The following AMBRA1 variants were observed in gnomAD, a reference collection of about 807,000 sequenced individuals.
AMBRA1 encodes the protein autophagy and beclin 1 regulator 1.
A neutral mutation model predicts 125.4 loss-of-function variants in AMBRA1; 47 were observed. The observed-to-expected ratio is 0.37, with a 90% CI of 0.30 to 0.48. AMBRA1 has a LOEUF of 0.48. AMBRA1 is among the 20% of genes least tolerant of loss of function. AMBRA1 has a pLI of 0.99. For synonymous variants in AMBRA1, 626 were observed against 655.5 expected (o/e 0.95, Z 0.69); for missense variants, 1,331 against 1,693.4 (o/e 0.79, Z 3.76).
chr11:46,550,321 T>G (rs755355316), intron 1 of AMBRA1, among the ~76,000 whole-genome samples: 1 of 152,196 alleles, frequency 6.6e-6, no homozygotes, highest in Non-Finnish European at 1.5e-5. Context: ...CCTATATACC[T>G]CAAGGTGGAG....
At chr11:46,447,561 A>G (rs889128033) in intron 11 of AMBRA1, among the ~76,000 whole-genome samples, 1 of 151,978 alleles carries the variant, frequency 6.6e-6, no homozygotes, top group African/African-American at 2.4e-5. Flanking sequence ...CAAAACACAA[A>G]AATTAGCCAG....
At chr11:46,535,047 G>A (rs1952402228) in intron 7 of AMBRA1, among the ~76,000 whole-genome samples, 2 of 152,062 alleles carry the variant, frequency 1.3e-5, no homozygotes, top group Non-Finnish European at 2.9e-5. Context: ...AAATAAGTTT[G>A]TTAATTCCAC....
Position 46,408,691 on chromosome 11 carries a change from T to C in AMBRA1, c.3225A>G (p.Thr1075=). The C allele has an allele frequency of 6.4e-7, 1 of 1,558,492 alleles. No homozygotes were observed. The highest frequency in any genetic ancestry group is 8.7e-7 in the Non-Finnish European group (1 of 1,148,044). ...GCCCCATGTCTCTGTCTGTCCTCCA[T>C]GTGGCTCTGCTGGTTCTAGGGAGAG... The part of the protein sequence containing the change: ...SSERPGTSRA[T]WRTDRDMGLM... Residue 1075 remains threonine (T), a synonymous_variant, in exon 17 of 18, where the codon ACA becomes ACG. Transcript: ENST00000683756.
At chr11:46,503,236 G>A (rs780954351) in intron 9 of AMBRA1, among the ~76,000 whole-genome samples, 6 of 151,826 alleles carry the variant, frequency 4.0e-5, no homozygotes, top group Non-Finnish European at 8.8e-5. Flanking sequence ...CCTTTTTCTT[G>A]AACATACAGA....
chr11:46,579,647 G>A (rs191994903), intron 1 of AMBRA1, among the ~76,000 whole-genome samples: 1 of 152,228 alleles, frequency 6.6e-6, no homozygotes, highest in East Asian at 1.9e-4. Context: ...AAATGGAAAG[G>A]TACAGCTCCT....
At position 46,593,921 on chromosome 11, in the gene AMBRA1, G is replaced by A. The variant is rs1591220569; in HGVS notation, c.-214C>T. 2.5e-6 allele frequency: 1 copy of A among 398,662 alleles called. No homozygotes were observed. The highest frequency in any genetic ancestry group is 3.6e-5 in the East Asian group (1 of 28,068). 24.7% of individuals were successfully genotyped at this position (398,662 alleles called of 1,614,324 possible). A position where few individuals can be genotyped will look rare whatever the true frequency, so the allele number is the denominator to read the frequency against. ...GAGACAGGAATAAAGGAAGGGGTCC[G>A]TTCTACCGACCGGCAGGAGAAGGCG... is the stretch of plus-strand genomic sequence containing the variant. On this transcript the variant is annotated 5_prime_UTR_variant, in exon 1 of 18. In the 5' UTR this introduces an upstream ATG that the reference lacks. Transcript: ENST00000683756.
At chr11:46,424,018 C>T (rs1946993408) in intron 14 of AMBRA1, among the ~76,000 whole-genome samples, 1 of 151,958 alleles carries the variant, frequency 6.6e-6, no homozygotes, top group Non-Finnish European at 1.5e-5. Context: ...CCGCCTCAGC[C>T]TCCCAAAGTG....
At chr11:46,517,091 A>T (rs1002391141) in intron 7 of AMBRA1, among the ~76,000 whole-genome samples, 3 of 150,904 alleles carry the variant, frequency 2.0e-5, no homozygotes, top group African/African-American at 7.3e-5. Context: ...AGGGGGAAAT[A>T]TTACAACTTC....
chr11:46,509,965 A>C (rs1951196998), intron 8 of AMBRA1, among the ~76,000 whole-genome samples: 1 of 152,178 alleles, frequency 6.6e-6, no homozygotes, highest in Non-Finnish European at 1.5e-5. Flanking sequence ...GGTCCTCAGT[A>C]AGTCTACCAA....
At chr11:46,545,828 T>C in intron 4 of AMBRA1, 52 bp from the exon 5 acceptor site, 8 of 1,576,582 alleles carry the variant, frequency 5.1e-6, no homozygotes, top group Non-Finnish European at 6.1e-6. Flanking sequence ...ACCAGCACAC[T>C]GGGAAGTCAA....
At chr11:46,571,687 CTTTT>C (rs543760300) in intron 1 of AMBRA1, among the ~76,000 whole-genome samples, 3 of 123,898 alleles carry the variant, frequency 2.4e-5, no homozygotes, top group Non-Finnish European at 1.7e-5. Context: ...ATCAATCAAT[CTTTT>C]TTTTTTTTTT....
chr11:46,551,152 A>G (rs1431765684), intron 1 of AMBRA1, among the ~76,000 whole-genome samples: 15 of 152,040 alleles, frequency 9.9e-5, no homozygotes, highest in Admixed American at 9.8e-4. Context: ...AGAGAAAAAA[A>G]GCAAGGTACA....
intron 7 of AMBRA1, among the ~76,000 whole-genome samples, chr11:46,518,745 T>C (rs978050724): frequency 3.3e-5 from 5 of 152,192 alleles, no homozygotes; most frequent in African/African-American, 9.6e-5. Context: ...AATTAAAGTA[T>C]TGTGCACTGG....
At chr11:46,589,490 C>G (rs1039021542) in intron 1 of AMBRA1, among the ~76,000 whole-genome samples, 3 of 152,092 alleles carry the variant, frequency 2.0e-5, no homozygotes, top group African/African-American at 7.2e-5. Context: ...CAAAAAAATG[C>G]GGATTCCACT....
chr11:46,587,563 G>C (rs531433325), intron 1 of AMBRA1, among the ~76,000 whole-genome samples: 1 of 151,992 alleles, frequency 6.6e-6, no homozygotes, highest in Non-Finnish European at 1.5e-5. Flanking sequence ...TTAAATTTAC[G>C]CAATTATGAT....
intron 11 of AMBRA1, among the ~76,000 whole-genome samples, chr11:46,474,997 A>T (rs988301449): frequency 2.0e-5 from 3 of 152,242 alleles, no homozygotes; most frequent in Admixed American, 2.0e-4. Flanking sequence ...TTATGTTCCC[A>T]TAGGATCAAC....
At chr11:46,398,352 C>T (rs1945555368) in intron 17 of AMBRA1, among the ~76,000 whole-genome samples, 1 of 152,226 alleles carries the variant, frequency 6.6e-6, no homozygotes. Flanking sequence ...CACCCTTTCT[C>T]TGCAAAGAGA....
At chr11:46,527,457 G>C (rs564032190) in intron 7 of AMBRA1, among the ~76,000 whole-genome samples, 1 of 106,446 alleles carries the variant, frequency 9.4e-6, no homozygotes, top group Non-Finnish European at 1.9e-5. Flanking sequence ...TCCAGCCTAG[G>C]TGACAAAGTG....
rs61999319 is a variant in AMBRA1 at position 46,434,894 on chromosome 11, G to A, written c.2776C>T (p.Leu926=). Residue 926 remains leucine (L), a synonymous_variant, in exon 13 of 18, where the codon CTG becomes TTG. Transcript: ENST00000683756. ...PDEGILAVYS[L]APHNLGEMLY... is the part of the protein sequence containing the mutation. Reference sequence around the variant, plus strand: ...ATTTCGCCCAGGTTATGGGGGGCCAGGGAGTACACTGCCAGGATGCCTTCA... The same window carrying A: ...ATTTCGCCCAGGTTATGGGGGGCCAAGGAGTACACTGCCAGGATGCCTTCA... 0.02 allele frequency: 32,648 copies of A among 1,613,856 alleles called. 401 individuals are homozygous for A. Among genetic ancestry groups the A allele is most frequent in the Non-Finnish European group, 0.024 (28,807 of 1,179,852 alleles).
Sources: gnomAD v4.1 joint callset for allele counts (sites outside exome capture counted in the v4.1 genomes callset) on GRCh38, gnomAD v4.1.1 for gene constraint, MANE v1.5 for transcripts, NCBI Gene and HGNC (gene_info 2026-07-23, HGNC 2026-07-21) for gene names.